The following PCLO variants were observed in gnomAD, a reference collection of about 807,000 sequenced individuals.
The protein encoded by PCLO is piccolo presynaptic cytomatrix protein.
In PCLO, 82 loss-of-function variants were observed where a neutral mutation model predicts 427.5. The observed-to-expected ratio is 0.19, with a 90% CI of 0.16 to 0.23. The LOEUF (loss-of-function observed/expected upper bound fraction) is 0.23, where lower values mean the gene tolerates loss of function less well. PCLO is among the 10% of genes least tolerant of loss of function. The pLI is 1.00. For missense variants in PCLO, 6,239 were observed against 6,115.9 expected, an observed-to-expected ratio of 1.02 and a Z score of -0.67; for synonymous variants, 2,357 against 2,155.4, an observed-to-expected ratio of 1.09 and a Z score of -2.59.
At chr7:83,056,617 C>T (rs116386901) in intron 3 of PCLO, among the ~76,000 whole-genome samples, 1,602 of 152,178 alleles carry the variant, frequency 0.011, 22 homozygotes, top group African/African-American at 0.036. Flanking sequence ...GAGGTTATTT[C>T]GAATATCCTT....
intron 9 of PCLO, chr7:82,879,807 A>T (rs1436277893): frequency 1.6e-5 from 7 of 450,606 alleles, no homozygotes; most frequent in South Asian, 1.1e-4. Flanking sequence ...CACTTATGAG[A>T]CTAAGGAACA....
chr7:83,068,935 T>C (rs1789738650), intron 3 of PCLO, among the ~76,000 whole-genome samples: 4 of 152,156 alleles, frequency 2.6e-5, no homozygotes, highest in South Asian at 4.1e-4. Flanking sequence ...TACACACACA[T>C]ACACAGTGAA....
chr7:82,975,731 G>T (rs563576335), intron 3 of PCLO, among the ~76,000 whole-genome samples: 1 of 152,210 alleles, frequency 6.6e-6, no homozygotes, highest in South Asian at 2.1e-4. Context: ...TAATCCCCAC[G>T]TGTGGAGGGA....
At position 82,966,358 on chromosome 7, in the gene PCLO, A is replaced by G. The variant is rs768078917; in HGVS notation, c.3430T>C (p.Ser1144Pro). ...GGAGGCACTGCTGTTTTCTGAGATGATGATTCTGTAGGAACAGGCATAGGA... is the reference window on the plus strand; with the variant it reads ...GGAGGCACTGCTGTTTTCTGAGATGGTGATTCTGTAGGAACAGGCATAGGA... Reference protein sequence around the residue: ...ASPMPVPTESSSQKTAVPPQV... With the variant: ...ASPMPVPTESPSQKTAVPPQV... Residue 1144 changes from serine to proline, a missense_variant, in exon 4 of 25, where the codon TCA (serine) becomes CCA (proline). Ser to Pro is a moderately conservative substitution (Grantham distance 74, BLOSUM62 -1). This residue lies in a region of PCLO where 4,677 missense variants were observed against 4,468.4 expected (regional missense o/e 1.05). Coordinates refer to ENST00000333891, the MANE Select transcript of PCLO (RefSeq NM_033026.6). 26 of 1,613,602 alleles carry G rather than the reference A, an allele frequency of 1.6e-5. No homozygotes were observed. The East Asian group carries it at 4.0e-4, about 25-fold the overall frequency.
At chr7:83,122,186 C>T (rs1258052122) in intron 3 of PCLO, among the ~76,000 whole-genome samples, 1 of 151,828 alleles carries the variant, frequency 6.6e-6, no homozygotes, top group Admixed American at 6.6e-5. Context: ...ATAAAACAGA[C>T]CCACAGCTGA....
intron 3 of PCLO, among the ~76,000 whole-genome samples, chr7:83,106,294 G>A (rs1000614926): frequency 1.3e-5 from 2 of 152,176 alleles, no homozygotes; most frequent in African/African-American, 4.8e-5. Flanking sequence ...AGGCAAAGCT[G>A]TGTCTGCCGC....
At chr7:83,027,194 T>C (rs1271788905) in intron 3 of PCLO, among the ~76,000 whole-genome samples, 1 of 134,234 alleles carries the variant, frequency 7.4e-6, no homozygotes. Context: ...ATCAACAAAA[T>C]TGATAGACTG....
In PCLO at chr7:82,790,207, C is replaced by T. The variant is rs146426326; in HGVS notation, c.15007+11311G>A. Among the ~76,000 whole-genome samples the T allele has an allele frequency of 3.5e-3, 533 of 152,220 alleles. 3 individuals carry two copies. The highest frequency in any genetic ancestry group is 0.012 in the African/African-American group (498 of 41,540). On this transcript the variant is annotated intron_variant, in intron 22 of 24. Coordinates refer to ENST00000333891, the MANE Select transcript of PCLO (RefSeq NM_033026.6). ...ATCCTCTCTAACCCATCCTTCAGAA[C>T]CCCAAATCTGTGTAATTTTCCTTCT...
chr7:82,761,834 T>C (rs1306272118), intron 22 of PCLO, among the ~76,000 whole-genome samples: 1 of 152,008 alleles, frequency 6.6e-6, no homozygotes, highest in African/African-American at 2.4e-5. Flanking sequence ...ATGTTAGACA[T>C]AATGATAGCT....
At chr7:82,984,805 A>T (rs1462701069) in intron 3 of PCLO, among the ~76,000 whole-genome samples, 1 of 151,942 alleles carries the variant, frequency 6.6e-6, no homozygotes, top group Admixed American at 6.6e-5. Flanking sequence ...CTACTTCTGA[A>T]GTTGAGCTAG....
At chr7:82,983,630 T>C (rs969224316) in intron 3 of PCLO, among the ~76,000 whole-genome samples, 3 of 149,490 alleles carry the variant, frequency 2.0e-5, no homozygotes, top group African/African-American at 4.9e-5. Flanking sequence ...TATTTATATA[T>C]GTATATATTA....
chr7:82,938,056 T>C (rs1465282924), intron 6 of PCLO, among the ~76,000 whole-genome samples: 1 of 151,890 alleles, frequency 6.6e-6, no homozygotes, highest in Non-Finnish European at 1.5e-5. Flanking sequence ...TAACAGGACA[T>C]TTAAGAGTCA....
chr7:83,162,375 G>C lies in PCLO; in HGVS notation c.218C>G (p.Pro73Arg). The part of the protein sequence containing the change: ...AQGLPKGSVP[P>R]AAAESPSMHR... ...CATGGAAGGCGACTCCGCAGCGGCC[G>C]GGGGGACGCTTCCCTTGGGCAGCCC... Residue 73 changes from proline to arginine, a missense_variant, in exon 1 of 25, where the codon CCG (proline) becomes CGG (arginine). Physicochemically the swap from Pro to Arg is moderately radical, Grantham distance 103. Around this residue, in one of 5 missense-constraint regions of PCLO, gnomAD observed 4,677 missense variants for 4,468.4 expected, o/e 1.05. Coordinates refer to ENST00000333891, the MANE Select transcript of PCLO (RefSeq NM_033026.6). The C allele has an allele frequency of 1.3e-6, 2 of 1,599,546 alleles. No homozygotes were observed. The highest frequency in any genetic ancestry group is 1.7e-6 in the Non-Finnish European group (2 of 1,173,118).
chr7:82,989,791 C>CAA (rs1166121986), intron 3 of PCLO, among the ~76,000 whole-genome samples: 2 of 152,016 alleles, frequency 1.3e-5, no homozygotes, highest in Non-Finnish European at 2.9e-5. Context: ...TTCTATCAGA[C>CAA]AGTTTATTCC....
intron 6 of PCLO, among the ~76,000 whole-genome samples, chr7:82,921,778 A>C (rs1374210593): frequency 6.6e-6 from 1 of 151,924 alleles, no homozygotes; most frequent in Non-Finnish European, 1.5e-5. Context: ...GCACAGCAAA[A>C]AAACTATCAA....
intron 22 of PCLO, among the ~76,000 whole-genome samples, chr7:82,788,241 A>T (rs1329180862): frequency 6.8e-6 from 1 of 147,654 alleles, no homozygotes; most frequent in African/African-American, 2.5e-5. Context: ...TATATAATTT[A>T]TATATAATTA....
chr7:82,791,025 A>G (rs1277800757), intron 22 of PCLO, among the ~76,000 whole-genome samples: 1 of 152,180 alleles, frequency 6.6e-6, no homozygotes, highest in Non-Finnish European at 1.5e-5. Context: ...TACTTGATTC[A>G]AACATATTTA....
At position 82,899,560 on chromosome 7, in the gene PCLO, G is replaced by A. The variant is rs553257074; in HGVS notation, c.13528+3091C>T. ...ATCAATACAGGGTAACTATAACAAG[G>A]AAACCATTTTTAGTATTATTTTAGG... On this transcript the variant is annotated intron_variant, in intron 9 of 24. Coordinates refer to ENST00000333891, the MANE Select transcript of PCLO (RefSeq NM_033026.6). Among the ~76,000 whole-genome samples, 7 of 151,376 alleles carry A rather than the reference G, an allele frequency of 4.6e-5. No individual in the cohort carries two copies. The East Asian group carries it at 1.4e-3, about 30-fold the overall frequency.
intron 3 of PCLO, among the ~76,000 whole-genome samples, chr7:83,130,246 C>G (rs1222537667): frequency 1.3e-5 from 2 of 152,118 alleles, no homozygotes; most frequent in Non-Finnish European, 2.9e-5. Flanking sequence ...GTAGGGAAAA[C>G]TTAGTTCACT....
Sources: allele counts gnomAD v4.1 joint callset (sites outside exome capture counted in the v4.1 genomes callset), GRCh38; gene constraint gnomAD v4.1.1; regional missense constraint gnomAD v4.1.1; transcripts MANE v1.5; gene names NCBI Gene and HGNC (gene_info 2026-07-23, HGNC 2026-07-21).